NEGR1: variants seen among roughly 807,000 people sequenced by gnomAD.
NEGR1 encodes the protein neuronal growth regulator 1.
NEGR1 carries 10 observed loss-of-function variants against 40.9 expected under a neutral mutation model. That is an observed-to-expected ratio of 0.24 (90% confidence interval 0.15 to 0.42). NEGR1 has a LOEUF of 0.42. Ranked by LOEUF, NEGR1 falls within the 10% of genes least tolerant of loss-of-function variation. The pLI, the probability that NEGR1 is intolerant of heterozygous loss-of-function variation, is 1.00. For missense variants in NEGR1, 352 were observed against 438.9 expected, an observed-to-expected ratio of 0.80 and a Z score of 1.77; for synonymous variants, 185 against 166.8, an observed-to-expected ratio of 1.11 and a Z score of -0.84.
chr1:71,692,914 A>C (rs1653342197), intron 4 of NEGR1, among the ~76,000 whole-genome samples: 1 of 151,834 alleles, frequency 6.6e-6, no homozygotes, highest in Admixed American at 6.6e-5. Context: ...AAACGTGTGT[A>C]CAAAATAATT....
At chr1:71,797,057 G>A (rs1245913668) in intron 2 of NEGR1, among the ~76,000 whole-genome samples, 1 of 152,134 alleles carries the variant, frequency 6.6e-6, no homozygotes, top group African/African-American at 2.4e-5. Context: ...AAGGACTTCA[G>A]ACAAGCTAGT....
intron 1 of NEGR1, among the ~76,000 whole-genome samples, chr1:72,091,762 A>C (rs1648508912): frequency 6.6e-6 from 1 of 152,256 alleles, no homozygotes; most frequent in Non-Finnish European, 1.5e-5. Context: ...TATGGGACTT[A>C]AACAATAGAA....
chr1:71,586,551 G>A (rs573435050), intron 6 of NEGR1, among the ~76,000 whole-genome samples: 3 of 152,228 alleles, frequency 2.0e-5, no homozygotes, highest in Admixed American at 6.5e-5. Context: ...ATTGACAAAC[G>A]TAACTAAAGC....
chr1:71,756,508 T>TCCATAATTATTTCTTGTCATG (rs1553163256), intron 3 of NEGR1, among the ~76,000 whole-genome samples: 1 of 150,856 alleles, frequency 6.6e-6, no homozygotes, highest in African/African-American at 2.4e-5. Flanking sequence ...GTGTTCAAAA[T>TCCATAATTATTTCTTGTCATG]CCATAATTAT....
intron 2 of NEGR1, among the ~76,000 whole-genome samples, chr1:71,835,119 A>T (rs1454425780): frequency 6.6e-6 from 1 of 152,088 alleles, no homozygotes; most frequent in Non-Finnish European, 1.5e-5. Flanking sequence ...GATGGGGTTA[A>T]TAGGGTTATG....
intron 1 of NEGR1, among the ~76,000 whole-genome samples, chr1:71,940,569 C>A (rs78508606): frequency 0.018 from 2,743 of 152,168 alleles, 84 homozygotes; most frequent in African/African-American, 0.063. Context: ...ATATTTAATT[C>A]TTTTCTAATA....
chr1:71,945,529 T>C (rs1363826098), intron 1 of NEGR1, among the ~76,000 whole-genome samples: 1 of 152,210 alleles, frequency 6.6e-6, no homozygotes, highest in East Asian at 1.9e-4. Context: ...TTCACAGAAC[T>C]AATTTTATAG....
chr1:71,821,667 T>C (rs993571022), intron 2 of NEGR1, among the ~76,000 whole-genome samples: 5 of 151,924 alleles, frequency 3.3e-5, no homozygotes, highest in African/African-American at 1.2e-4. Flanking sequence ...TACCATATGA[T>C]ATCTGTGGCA....
chr1:71,938,395 T>G (rs1570529787), intron 1 of NEGR1, among the ~76,000 whole-genome samples: 1 of 148,582 alleles, frequency 6.7e-6, no homozygotes, highest in East Asian at 2.0e-4. Flanking sequence ...CACACAGCTG[T>G]ATGCATGTGT....
chr1:71,447,378 T>C (rs1646590062), intron 6 of NEGR1, among the ~76,000 whole-genome samples: 1 of 152,212 alleles, frequency 6.6e-6, no homozygotes, highest in African/African-American at 2.4e-5. Flanking sequence ...CCCATTGATA[T>C]AAATCATTTT....
intron 1 of NEGR1, among the ~76,000 whole-genome samples, chr1:72,118,997 T>A (rs1256339381): frequency 6.6e-6 from 1 of 151,766 alleles, no homozygotes; most frequent in East Asian, 1.9e-4. Flanking sequence ...GCAGATATTA[T>A]ATACCAGATA....
intron 1 of NEGR1, among the ~76,000 whole-genome samples, chr1:72,047,699 C>T (rs1002982276): frequency 8.6e-5 from 13 of 151,236 alleles, no homozygotes; most frequent in East Asian, 3.9e-4. Flanking sequence ...TCTACTCTTA[C>T]GCACTGAAGC....
intron 1 of NEGR1, among the ~76,000 whole-genome samples, chr1:72,107,848 C>T (rs1490372328): frequency 6.6e-6 from 1 of 151,190 alleles, no homozygotes; most frequent in East Asian, 1.9e-4. Context: ...AACACATATA[C>T]ATGGGTATAT....
At chr1:72,060,470 C>A (rs138161398) in intron 1 of NEGR1, among the ~76,000 whole-genome samples, 1 of 151,642 alleles carries the variant, frequency 6.6e-6, no homozygotes, top group Non-Finnish European at 1.5e-5. Context: ...TCTAACCTAA[C>A]CATGTTAATC....
intron 6 of NEGR1, among the ~76,000 whole-genome samples, chr1:71,452,630 C>T (rs922802882): frequency 3.9e-5 from 6 of 152,104 alleles, no homozygotes; most frequent in Non-Finnish European, 7.4e-5. Flanking sequence ...TTTGGGTTGA[C>T]ATTTCCCTTA....
intron 2 of NEGR1, among the ~76,000 whole-genome samples, chr1:71,780,962 T>C (rs2101723749): frequency 6.6e-6 from 1 of 152,360 alleles, no homozygotes; most frequent in East Asian, 1.9e-4. Context: ...CAGATTCTAA[T>C]GACCTTCACA....
intron 1 of NEGR1, among the ~76,000 whole-genome samples, chr1:72,013,481 T>G (rs1646678246): frequency 6.6e-6 from 1 of 152,164 alleles, no homozygotes. Context: ...ATTCTGGTTT[T>G]CTTCATAGCC....
chr1:72,253,632 A>G (rs1347842683), intron 1 of NEGR1, among the ~76,000 whole-genome samples: 1 of 152,222 alleles, frequency 6.6e-6, no homozygotes, highest in African/African-American at 2.4e-5. Flanking sequence ...ACTGTTACCA[A>G]TAGAAATGAA....
intron 1 of NEGR1, among the ~76,000 whole-genome samples, chr1:72,057,163 T>C (rs1214884100): frequency 6.6e-6 from 1 of 151,598 alleles, no homozygotes; most frequent in African/African-American, 2.4e-5. Flanking sequence ...ATTGATTGAA[T>C]GGAAGAATAA....
Sources: allele counts gnomAD v4.1 joint callset (sites outside exome capture counted in the v4.1 genomes callset), GRCh38; gene constraint gnomAD v4.1.1; transcripts MANE v1.5; gene names NCBI Gene and HGNC (gene_info 2026-07-23, HGNC 2026-07-21).